Variants in EPSTI1 observed in about 807,000 individuals in gnomAD.
EPSTI1 encodes the protein epithelial stromal interaction 1.
A neutral mutation model predicts 49.9 loss-of-function variants in EPSTI1; 66 were observed. The observed-to-expected ratio is 1.32, with a 90% CI of 1.08 to 1.62. The LOEUF (loss-of-function observed/expected upper bound fraction) is 1.62. Ranked by LOEUF, EPSTI1 falls within the 40% of genes most tolerant of loss-of-function variation. The pLI is 0.00. For synonymous variants in EPSTI1, 137 were observed against 130.7 expected, an observed-to-expected ratio of 1.05 and a Z score of -0.33; for missense variants, 394 against 365.5, an observed-to-expected ratio of 1.08 and a Z score of -0.64.
chr13:42,989,086 C>T (rs1021738869), intron 1 of EPSTI1, among the ~76,000 whole-genome samples: 5 of 122,188 alleles, frequency 4.1e-5, no homozygotes, highest in Admixed American at 2.0e-4. Context: ...CTATGTTACT[C>T]CTGGACTAAA....
At chr13:42,916,903 T>C (rs995988272) in intron 8 of EPSTI1, among the ~76,000 whole-genome samples, 3 of 152,204 alleles carry the variant, frequency 2.0e-5, no homozygotes, top group African/African-American at 7.2e-5. Context: ...TTCTGGCCTA[T>C]TAAAAGCAGG....
At chr13:42,963,065 C>T (rs559983060) in intron 5 of EPSTI1, among the ~76,000 whole-genome samples, 190 bp downstream of exon 5, 17 of 151,756 alleles carry the variant, frequency 1.1e-4, no homozygotes, top group Non-Finnish European at 1.6e-4. Flanking sequence ...ATCACAAGAC[C>T]TAAGCATGAA....
intron 6 of EPSTI1, among the ~76,000 whole-genome samples, chr13:42,931,220 A>C: frequency 8.4e-6 from 1 of 119,168 alleles, no homozygotes; most frequent in Non-Finnish European, 1.6e-5. Flanking sequence ...TTTTTTTGAG[A>C]CGGAGTCTCG....
At position 42,922,234 on chromosome 13, in the gene EPSTI1, G is replaced by A. The variant is rs867330809; in HGVS notation, c.657+4102C>T. On this transcript the variant is annotated intron_variant, in intron 7 of 10. Coordinates refer to ENST00000313624, the MANE Select transcript of EPSTI1 (RefSeq NM_033255.5). The surrounding 1 kb of genome is among the most constrained non-coding windows in gnomAD (Gnocchi z 4.8). ...AACTAAGAAAAGAAACAGGTGGTGG[G>A]TTGCATAATGGCCCCCCAAAGACGT... 6.6e-6 allele frequency among the ~76,000 whole-genome samples: 1 copy of A among 152,232 alleles called. No individual in the cohort carries two copies. The highest frequency in any genetic ancestry group is 2.4e-5 in the African/African-American group (1 of 41,464).
intron 6 of EPSTI1, among the ~76,000 whole-genome samples, chr13:42,937,156 C>T (rs2038592463): frequency 6.6e-6 from 1 of 152,102 alleles, no homozygotes; most frequent in South Asian, 2.1e-4. Context: ...ATTGTAGTCT[C>T]TTAGGTGTGC....
chr13:42,919,774 T>G (rs1225407558), intron 7 of EPSTI1, among the ~76,000 whole-genome samples: 2 of 152,202 alleles, frequency 1.3e-5, no homozygotes, highest in African/African-American at 2.4e-5. Flanking sequence ...GGAATCAGAC[T>G]ATACCGGGAG....
intron 7 of EPSTI1, among the ~76,000 whole-genome samples, chr13:42,920,297 T>G (rs2037955715): frequency 6.6e-6 from 1 of 152,026 alleles, no homozygotes. Context: ...CTCCCCAAAA[T>G]TACCCTAAAC....
At chr13:42,908,905 A>G (rs2037579436) in intron 8 of EPSTI1, among the ~76,000 whole-genome samples, 1 of 150,038 alleles carries the variant, frequency 6.7e-6, no homozygotes, top group African/African-American at 2.5e-5. Context: ...CAACATGGTG[A>G]AACCCTGTCT....
intron 6 of EPSTI1, among the ~76,000 whole-genome samples, chr13:42,940,866 T>C (rs2038729448): frequency 6.6e-6 from 1 of 152,248 alleles, no homozygotes; most frequent in Non-Finnish European, 1.5e-5. Context: ...AAACTGAATA[T>C]TTTGATTCCT....
At chr13:42,904,143 T>C (rs1044096312) in intron 8 of EPSTI1, among the ~76,000 whole-genome samples, 3 of 152,142 alleles carry the variant, frequency 2.0e-5, no homozygotes, top group African/African-American at 7.2e-5. Context: ...TATCCAACAA[T>C]AATCCCAGGC....
intron 6 of EPSTI1, among the ~76,000 whole-genome samples, chr13:42,953,094 G>A (rs562716281): frequency 7.2e-5 from 11 of 152,194 alleles, no homozygotes; most frequent in Admixed American, 3.9e-4. Context: ...TTTGTGTACA[G>A]CCTCCATAAA....
intron 6 of EPSTI1, among the ~76,000 whole-genome samples, chr13:42,926,741 G>A (rs75979238): frequency 0.02 from 3,096 of 152,244 alleles, 81 homozygotes; most frequent in African/African-American, 0.062. Flanking sequence ...TCCACAGCAT[G>A]CAGCCCTAAT....
At chr13:42,908,650 A>C (rs1421655756) in intron 8 of EPSTI1, among the ~76,000 whole-genome samples, 1 of 152,184 alleles carries the variant, frequency 6.6e-6, no homozygotes, top group African/African-American at 2.4e-5. Flanking sequence ...CAAAGGAAAC[A>C]ATCAGCAGAC....
chr13:42,972,015 G>A (rs1051959159), intron 1 of EPSTI1, among the ~76,000 whole-genome samples: 3 of 152,146 alleles, frequency 2.0e-5, no homozygotes, highest in Non-Finnish European at 4.4e-5. Flanking sequence ...TTTCACTTCT[G>A]AATTGCCAGT....
At chr13:42,951,317 T>C (rs903807510) in intron 6 of EPSTI1, among the ~76,000 whole-genome samples, 3 of 152,274 alleles carry the variant, frequency 2.0e-5, no homozygotes, top group African/African-American at 7.2e-5. Context: ...TCATGAGTTA[T>C]TGGTCTTTTA....
intron 6 of EPSTI1, among the ~76,000 whole-genome samples, chr13:42,948,871 T>C (rs1210417883): frequency 6.6e-6 from 1 of 152,210 alleles, no homozygotes; most frequent in East Asian, 1.9e-4. Context: ...ATTTAATGTG[T>C]AAACAGGAGA....
chr13:42,922,222 A>AACAGGTG lies in EPSTI1; in HGVS notation c.657+4107_657+4113dup, dbSNP rs1376160284. ...ATATTCGGAGCTAACTAAGAAAAGA[A>AACAGGTG]ACAGGTGGTGGGTTGCATAATGGCC... On this transcript the variant is annotated intron_variant, in intron 7 of 10. Coordinates refer to ENST00000313624, the MANE Select transcript of EPSTI1 (RefSeq NM_033255.5). The surrounding 1 kb of genome is among the most constrained non-coding windows in gnomAD (Gnocchi z 4.8). Among the ~76,000 whole-genome samples the AACAGGTG allele has an allele frequency of 6.6e-6, 1 of 152,260 alleles. No homozygotes were observed. The highest frequency in any genetic ancestry group is 1.5e-5 in the Non-Finnish European group (1 of 68,048).
At chr13:42,890,500 T>C (rs1012635219) in intron 10 of EPSTI1, among the ~76,000 whole-genome samples, 2 of 151,966 alleles carry the variant, frequency 1.3e-5, no homozygotes, top group South Asian at 2.1e-4. Flanking sequence ...GGGTTTCATC[T>C]TGTTAGCCAG....
intron 1 of EPSTI1, among the ~76,000 whole-genome samples, chr13:42,975,149 T>G (rs76522472): frequency 0.015 from 2,335 of 152,306 alleles, 48 homozygotes; most frequent in African/African-American, 0.051. Context: ...TGACCTTCAA[T>G]GTAAGAATCA....
Sources: allele counts gnomAD v4.1 joint callset (sites outside exome capture counted in the v4.1 genomes callset), GRCh38; gene constraint gnomAD v4.1.1; non-coding constraint Gnocchi (gnomAD v3.1); transcripts MANE v1.5; gene names NCBI Gene and HGNC (gene_info 2026-07-23, HGNC 2026-07-21).